The following XRN2 variants were observed in gnomAD, a reference collection of about 807,000 sequenced individuals.
XRN2 encodes DHM1-like protein.
Under a neutral mutation model 138.5 loss-of-function variants are expected in XRN2, and 44 were observed. The ratio of observed to expected loss-of-function variants is 0.32; its 90% confidence interval spans 0.25 to 0.41. The LOEUF is 0.41. XRN2 is among the 10% of genes least tolerant of loss of function. The probability of loss-of-function intolerance (pLI) is 1.00; values close to 1 mark genes in which losing one functional copy is unlikely to be tolerated. For synonymous variants in XRN2, 354 were observed against 369.4 expected, an observed-to-expected ratio of 0.96 and a Z score of 0.48; for missense variants, 937 against 1,169.3, an observed-to-expected ratio of 0.80 and a Z score of 2.90.
Position 21,372,293 on chromosome 20 carries a change from A to G in XRN2, c.2584+3703A>G, listed in dbSNP as rs541883971. Among the ~76,000 whole-genome samples, 10 of 152,302 alleles carry G rather than the reference A, an allele frequency of 6.6e-5. No individual in the cohort carries two copies. The East Asian group carries it at 1.7e-3, about 26-fold the overall frequency. ...AAAATTGGCAATCATGTGATATTTA[A>G]ATTGAGCCAACAAGTGGGGAATTTG... On this transcript the variant is annotated intron_variant, in intron 27 of 29. Coordinates refer to ENST00000377191, the MANE Select transcript of XRN2 (RefSeq NM_012255.5).
intron 26 of XRN2, 96 bp downstream of exon 26, chr20:21,365,800 A>G (rs929934556): frequency 9.5e-6 from 2 of 209,950 alleles, no homozygotes; most frequent in Non-Finnish European, 1.4e-5. Context: ...AATTTATGCC[A>G]TATATATAAT....
intron 24 of XRN2, among the ~76,000 whole-genome samples, chr20:21,364,746 C>T (rs2038674998): frequency 6.8e-6 from 1 of 147,246 alleles, no homozygotes; most frequent in Non-Finnish European, 1.5e-5. Flanking sequence ...GTTGAGACTG[C>T]AATGAGCTGT....
chr20:21,324,339 C>T (rs1013979465), intron 1 of XRN2, among the ~76,000 whole-genome samples: 7 of 152,132 alleles, frequency 4.6e-5, no homozygotes, highest in African/African-American at 1.4e-4. Flanking sequence ...GTTGCATTCC[C>T]GTGATTCCTT....
At chr20:21,363,023 T>C (rs2038654766) in intron 24 of XRN2, among the ~76,000 whole-genome samples, 1 of 152,200 alleles carries the variant, frequency 6.6e-6, no homozygotes, top group South Asian at 2.1e-4. Flanking sequence ...TCTGCCACCC[T>C]GTGACCAATC....
intron 27 of XRN2, among the ~76,000 whole-genome samples, chr20:21,375,710 G>C (rs896540402): frequency 6.6e-6 from 1 of 151,784 alleles, no homozygotes; most frequent in African/African-American, 2.4e-5. Flanking sequence ...CTTTTGGTCA[G>C]TATCACCACA....
chr20:21,368,340 ATTATC>A (rs2038725479), intron 26 of XRN2, 118 bp from the exon 27 acceptor site: 9 of 1,191,622 alleles, frequency 7.6e-6, no homozygotes, highest in South Asian at 7.4e-5. Context: ...TTTTGTTTGT[ATTATC>A]TTAATCAGAT....
At chr20:21,320,283 TTATTTATTTATG>T (rs898047255) in intron 1 of XRN2, among the ~76,000 whole-genome samples, 4 of 79,636 alleles carry the variant, frequency 5.0e-5, no homozygotes, top group African/African-American at 1.6e-4. Flanking sequence ...ATTTATGTAT[TTATTTATTTATG>T]TATTTATTTA....
At position 21,389,308 on chromosome 20, in the gene XRN2, A is replaced by C; in HGVS notation, c.2823A>C (p.Pro941=). The C allele has an allele frequency of 6.2e-7, 1 of 1,613,326 alleles. No homozygotes were observed. Among genetic ancestry groups the C allele is most frequent in the Non-Finnish European group, 8.5e-7 (1 of 1,179,648 alleles). ...GAGAAGGAAGGAAATACCCTTTGCC[A>C]CCACCCTCAGGAAGATACAATTGGA... ...YPREGRKYPL[P]PPSGRYNWN is the part of the protein sequence containing the mutation. The change falls in exon 30 of 30, where the codon CCA becomes CCC. Residue 941 remains proline (P), a synonymous_variant. Coordinates refer to ENST00000377191, the MANE Select transcript of XRN2 (RefSeq NM_012255.5).
In XRN2 at chr20:21,382,000, G is replaced by A; in HGVS notation, c.2591G>A (p.Arg864Lys). 6.2e-7 allele frequency: 1 copy of A among 1,606,846 alleles called. No homozygotes were observed. Among genetic ancestry groups the A allele is most frequent in the East Asian group, 2.2e-5 (1 of 44,598 alleles). Reference protein sequence around the residue: ...AQIPKLMSNMRPQDSWRGPPP... With the variant: ...AQIPKLMSNMKPQDSWRGPPP... ...TTTCCTGTTTCTTTTTCAGATATGA[G>A]GCCCCAGGATTCCTGGCGAGGTCCT... Residue 864 changes from arginine to lysine, a missense_variant, in exon 28 of 30, where the codon AGG becomes AAG. Coordinates refer to ENST00000377191, the MANE Select transcript of XRN2 (RefSeq NM_012255.5).
At chr20:21,378,074 G>T (rs1164947116) in intron 27 of XRN2, among the ~76,000 whole-genome samples, 1 of 152,056 alleles carries the variant, frequency 6.6e-6, no homozygotes, top group Non-Finnish European at 1.5e-5. Context: ...GATTTTGAGG[G>T]GTAGTATTAT....
chr20:21,382,796 GAATAATT>G (rs2038899761), intron 28 of XRN2, among the ~76,000 whole-genome samples: 1 of 152,194 alleles, frequency 6.6e-6, no homozygotes, highest in Non-Finnish European at 1.5e-5. Flanking sequence ...GGCACATTAT[GAATAATT>G]AACATCTGTA....
intron 20 of XRN2, among the ~76,000 whole-genome samples, chr20:21,351,089 G>A: frequency 6.6e-6 from 1 of 152,174 alleles, no homozygotes; most frequent in Non-Finnish European, 1.5e-5. Flanking sequence ...ATCGTTGTCT[G>A]GGTTTATTAA....
intron 13 of XRN2, among the ~76,000 whole-genome samples, chr20:21,336,983 A>C (rs1380859732): frequency 6.6e-6 from 1 of 152,218 alleles, no homozygotes; most frequent in African/African-American, 2.4e-5. Context: ...CACAGAACAC[A>C]AAGGAGCCAG....
intron 20 of XRN2, among the ~76,000 whole-genome samples, chr20:21,350,524 TC>T (rs2038494931): frequency 2.7e-4 from 2 of 7,424 alleles, no homozygotes; most frequent in East Asian, 3.1e-3. Context: ...AGACTCCGTC[TC>T]AAAAAAAAAA....
Position 21,352,847 on chromosome 20 carries a change from CA to C in XRN2, c.1937-1941del, listed in dbSNP as rs1175713362. Among the ~76,000 whole-genome samples the C allele has an allele frequency of 3.9e-5, 6 of 152,004 alleles. No homozygotes were observed. In the East Asian group the frequency reaches 1.2e-3, roughly 29 times the overall value. On this transcript the variant is annotated intron_variant, in intron 20 of 29. Transcript: ENST00000377191. ...GACTGTGTAATACCTAAGTTATTAC[CA>C]GTACTTGGGCTCCCTCTGGGTATTG...
At chr20:21,330,010 C>T (rs1298523625) in intron 4 of XRN2, among the ~76,000 whole-genome samples, 18 of 152,092 alleles carry the variant, frequency 1.2e-4, no homozygotes. Context: ...AGGCTGAGCA[C>T]GATGGCTCAC....
intron 1 of XRN2, chr20:21,303,972 A>G (rs1043920646): frequency 1.9e-5 from 10 of 539,374 alleles, no homozygotes; most frequent in Non-Finnish European, 2.1e-5. Context: ...GTTTTCTCCT[A>G]GTGTTCAGGA....
intron 17 of XRN2, 77 bp downstream of exon 17, chr20:21,346,627 T>G: frequency 1.3e-6 from 2 of 1,553,320 alleles, no homozygotes; most frequent in Non-Finnish European, 1.7e-6. Flanking sequence ...TTTTGTTTGT[T>G]TTTTGTTTTT....
chr20:21,348,146 G>A lies in XRN2; in HGVS notation c.1666G>A (p.Gly556Ser). ...GTTGTTACTTTTTTAATGATTCTAG[G>A]GCTGTGCTTCCTGGAAGTGGTATTA... ...LCWVLRYYYQ[G>S]CASWKWYYPF... Residue 556 changes from glycine to serine, a missense_variant and splice_region_variant, in exon 18 of 30, where the codon GGC (glycine) becomes AGC (serine). Physicochemically the swap from Gly to Ser is moderately conservative, Grantham distance 56. This residue lies in a region of XRN2 where 471 missense variants were observed against 581.2 expected (regional missense o/e 0.81). Coordinates refer to ENST00000377191, the MANE Select transcript of XRN2 (RefSeq NM_012255.5). The A allele has an allele frequency of 6.2e-7, 1 of 1,607,126 alleles. No individual in the cohort carries two copies. The highest frequency in any genetic ancestry group is 8.5e-7 in the Non-Finnish European group (1 of 1,178,150).
Sources: gnomAD v4.1 joint callset for allele counts (sites outside exome capture counted in the v4.1 genomes callset) on GRCh38, gnomAD v4.1.1 for gene constraint, gnomAD v4.1.1 regional missense constraint, MANE v1.5 for transcripts, NCBI Gene and HGNC (gene_info 2026-07-23, HGNC 2026-07-21) for gene names.